NEK7: variants seen among roughly 807,000 people sequenced by gnomAD.
NEK7 encodes serine/threonine-protein kinase Nek7.
In NEK7, 18 loss-of-function variants were observed where a neutral mutation model predicts 44.6. The observed-to-expected ratio is 0.40, with a 90% CI of 0.28 to 0.60. The LOEUF is 0.60. Ranked by LOEUF, NEK7 falls within the 20% of genes least tolerant of loss-of-function variation. NEK7 has a pLI of 0.38. For missense variants in NEK7, 256 were observed against 366.5 expected (o/e 0.70, Z 2.46); for synonymous variants, 130 against 121.1 (o/e 1.07, Z -0.48).
intron 1 of NEK7, among the ~76,000 whole-genome samples, chr1:198,189,203 G>A (rs538686625): frequency 1.4e-4 from 21 of 152,056 alleles, no homozygotes; most frequent in Non-Finnish European, 2.9e-4. Context: ...GTGTCATATA[G>A]GAAAAGAAAG....
At chr1:198,266,474 A>G (rs1190742019) in intron 5 of NEK7, among the ~76,000 whole-genome samples, 1 of 152,062 alleles carries the variant, frequency 6.6e-6, no homozygotes, top group African/African-American at 2.4e-5. Context: ...CAGGCATTTG[A>G]CTAATACTAA....
intron 1 of NEK7, among the ~76,000 whole-genome samples, chr1:198,185,455 A>G (rs1664894200): frequency 6.6e-6 from 1 of 152,104 alleles, no homozygotes. Flanking sequence ...TCTCATGTCT[A>G]AAAATGCCTC....
intron 9 of NEK7, among the ~76,000 whole-genome samples, chr1:198,310,626 G>A (rs559628697): frequency 6.6e-6 from 1 of 151,822 alleles, no homozygotes; most frequent in African/African-American, 2.4e-5. Flanking sequence ...TGTATAAGGT[G>A]TAAGGAAGGG....
At chr1:198,159,022 G>A (rs1287958355) in intron 1 of NEK7, among the ~76,000 whole-genome samples, 1 of 152,198 alleles carries the variant, frequency 6.6e-6, no homozygotes, top group Non-Finnish European at 1.5e-5. Flanking sequence ...CCTTCTCGGG[G>A]CCGGTGTGTG....
intron 1 of NEK7, among the ~76,000 whole-genome samples, chr1:198,227,014 C>T (rs1666247567): frequency 1.3e-5 from 2 of 152,074 alleles, no homozygotes; most frequent in Admixed American, 1.3e-4. Flanking sequence ...GCTATTCCTC[C>T]CCCGCTCCCC....
chr1:198,235,824 T>C (rs1361392959), intron 2 of NEK7, among the ~76,000 whole-genome samples: 7 of 152,140 alleles, frequency 4.6e-5, no homozygotes, highest in Non-Finnish European at 5.9e-5. Context: ...AATTTGAAGA[T>C]AGTGTAATAT....
chr1:198,210,076 G>T (rs544514271), intron 1 of NEK7, among the ~76,000 whole-genome samples: 3 of 152,234 alleles, frequency 2.0e-5, no homozygotes, highest in Non-Finnish European at 2.9e-5. Context: ...AGGATTACAG[G>T]TGTGAACACT....
intron 9 of NEK7, among the ~76,000 whole-genome samples, chr1:198,302,028 A>AT (rs1654904051): frequency 1.3e-5 from 2 of 152,222 alleles, no homozygotes; most frequent in Admixed American, 1.3e-4. Context: ...ACAAAATGTG[A>AT]TTTTGGAATC....
intron 9 of NEK7, among the ~76,000 whole-genome samples, chr1:198,309,599 C>G (rs1452405188): frequency 6.6e-6 from 1 of 151,806 alleles, no homozygotes; most frequent in Non-Finnish European, 1.5e-5. Flanking sequence ...CCTCCTCCCC[C>G]CACCCCACAA....
At chr1:198,199,799 A>G (rs940931591) in intron 1 of NEK7, among the ~76,000 whole-genome samples, 4 of 151,944 alleles carry the variant, frequency 2.6e-5, no homozygotes, top group Non-Finnish European at 5.9e-5. Context: ...TCATCTTTCA[A>G]AAAATGTTTT....
chr1:198,284,069 T>C (rs1008886637), intron 7 of NEK7, among the ~76,000 whole-genome samples: 8 of 152,172 alleles, frequency 5.3e-5, no homozygotes, highest in Admixed American at 2.6e-4. Context: ...AGGGGTATAA[T>C]AACATTTATC....
At position 198,312,253 on chromosome 1, in the gene NEK7, T is replaced by C. The variant is rs1396939927; in HGVS notation, c.799-7159T>C. Among the ~76,000 whole-genome samples, 56 of 151,328 alleles carry C rather than the reference T, an allele frequency of 3.7e-4. No individual in the cohort carries two copies. The East Asian group carries it at 9.7e-3, about 26-fold the overall frequency. On this transcript the variant is annotated intron_variant, in intron 9 of 9. Transcript: ENST00000367385. ...AGGTGTTTGTAGTATTCTCTGATGGTAGTTTGTATTTCTGTGGGATCGGTG... is the reference window on the plus strand; with the variant it reads ...AGGTGTTTGTAGTATTCTCTGATGGCAGTTTGTATTTCTGTGGGATCGGTG...
At chr1:198,276,266 G>C (rs1435606586) in intron 5 of NEK7, among the ~76,000 whole-genome samples, 1 of 151,544 alleles carries the variant, frequency 6.6e-6, no homozygotes, top group East Asian at 1.9e-4. Context: ...TTATAATTAT[G>C]ATGATTTCAA....
intron 3 of NEK7, among the ~76,000 whole-genome samples, chr1:198,259,473 G>T (rs1356831677): frequency 6.6e-6 from 1 of 152,078 alleles, no homozygotes; most frequent in African/African-American, 2.4e-5. Context: ...ATCAAGATCT[G>T]ATATACTTAC....
intron 1 of NEK7, among the ~76,000 whole-genome samples, chr1:198,210,673 GTATAATATTTA>G (rs1176279928): frequency 1.5e-5 from 2 of 134,612 alleles, no homozygotes; most frequent in Non-Finnish European, 3.2e-5. Flanking sequence ...TATATACTTT[GTATAATATTTA>G]TTATTTTGAT....
At chr1:198,219,833 T>G (rs1666034374) in intron 1 of NEK7, among the ~76,000 whole-genome samples, 2 of 151,020 alleles carry the variant, frequency 1.3e-5, no homozygotes, top group African/African-American at 4.9e-5. Context: ...CCATTACTGG[T>G]GATGTTAACT....
At chr1:198,211,598 A>G (rs1665771686) in intron 1 of NEK7, among the ~76,000 whole-genome samples, 2 of 152,230 alleles carry the variant, frequency 1.3e-5, no homozygotes, top group African/African-American at 4.8e-5. Context: ...TTAGCATAAG[A>G]TTGAAGAAAG....
At chr1:198,289,732 A>G (rs890184685) in intron 7 of NEK7, among the ~76,000 whole-genome samples, 4 of 152,198 alleles carry the variant, frequency 2.6e-5, no homozygotes, top group African/African-American at 4.8e-5. Flanking sequence ...ACCTGCTCTG[A>G]TGAAAATTAT....
intron 1 of NEK7, among the ~76,000 whole-genome samples, chr1:198,229,059 AG>A (rs1477146561): frequency 6.6e-6 from 1 of 152,210 alleles, no homozygotes; most frequent in African/African-American, 2.4e-5. Flanking sequence ...CTGCACAAAG[AG>A]GCCAAGAAGA....
Sources: allele counts gnomAD v4.1 joint callset (sites outside exome capture counted in the v4.1 genomes callset), GRCh38; gene constraint gnomAD v4.1.1; transcripts MANE v1.5; gene names NCBI Gene and HGNC (gene_info 2026-07-23, HGNC 2026-07-21).